Variants in LINGO2 observed in about 807,000 individuals in gnomAD.
The protein encoded by LINGO2 is leucine-rich repeat and immunoglobulin-like domain-containing nogo receptor-interacting protein 2.
In LINGO2, 14 loss-of-function variants were observed where a neutral mutation model predicts 30.6. The observed-to-expected ratio is 0.46, with a 90% CI of 0.30 to 0.72. The LOEUF (loss-of-function observed/expected upper bound fraction) is 0.72, where lower values mean the gene tolerates loss of function less well. LINGO2 is among the 30% of genes least tolerant of loss of function. LINGO2 has a pLI of 0.07. For synonymous variants in LINGO2, 317 were observed against 288.5 expected, an observed-to-expected ratio of 1.10 and a Z score of -1.00; for missense variants, 729 against 751.7, an observed-to-expected ratio of 0.97 and a Z score of 0.35.
intron 4 of LINGO2, among the ~76,000 whole-genome samples, chr9:28,249,843 C>A (rs1300474606): frequency 6.6e-6 from 1 of 152,148 alleles, no homozygotes; most frequent in African/African-American, 2.4e-5. Flanking sequence ...CATTTAAATT[C>A]TTCCTTGAAG....
At chr9:28,310,962 A>G (rs1028215905) in intron 3 of LINGO2, among the ~76,000 whole-genome samples, 1 of 152,152 alleles carries the variant, frequency 6.6e-6, no homozygotes, top group Admixed American at 6.6e-5. Flanking sequence ...GTTCAACAAT[A>G]CTAATATTGG....
At chr9:28,542,026 G>C (rs988376669) in intron 1 of LINGO2, among the ~76,000 whole-genome samples, 1 of 152,090 alleles carries the variant, frequency 6.6e-6, no homozygotes, top group African/African-American at 2.4e-5. Context: ...ACAGAGTTTG[G>C]GGTACAAAAT....
At chr9:29,058,818 T>TA in the LINGO2 span, among the ~76,000 whole-genome samples, 1 of 152,102 alleles carries the variant, frequency 6.6e-6, no homozygotes, top group East Asian at 1.9e-4. Flanking sequence ...AACAAAATTT[T>TA]AATGTACTGA....
chr9:28,462,816 T>C (rs1476976794), intron 2 of LINGO2, among the ~76,000 whole-genome samples: 1 of 151,902 alleles, frequency 6.6e-6, no homozygotes, highest in Non-Finnish European at 1.5e-5. Flanking sequence ...TGAGTGGTAA[T>C]TAAGTTCTGA....
intron 3 of LINGO2, among the ~76,000 whole-genome samples, chr9:28,362,564 A>G (rs1355803314): frequency 6.6e-6 from 1 of 151,728 alleles, no homozygotes; most frequent in Admixed American, 6.6e-5. Flanking sequence ...TCCGCCTCCC[A>G]GGTTCAAGCG....
At chr9:28,625,553 T>C (rs970663498) in intron 1 of LINGO2, among the ~76,000 whole-genome samples, 1 of 152,166 alleles carries the variant, frequency 6.6e-6, no homozygotes, top group Non-Finnish European at 1.5e-5. Context: ...AGGCTTCTGT[T>C]TGGCCATCTT....
intron 2 of LINGO2, among the ~76,000 whole-genome samples, chr9:28,424,509 A>G (rs1441278784): frequency 3.9e-5 from 6 of 152,168 alleles, no homozygotes; most frequent in Non-Finnish European, 7.4e-5. Context: ...GCTCACTGAG[A>G]TTAGCAGAAC....
At chr9:28,003,070 A>C (rs765246832) in intron 5 of LINGO2, among the ~76,000 whole-genome samples, 1 of 152,198 alleles carries the variant, frequency 6.6e-6, no homozygotes, top group Non-Finnish European at 1.5e-5. Flanking sequence ...TTATTATAAA[A>C]TTAAAATTTG....
At chr9:29,053,143 GTAAAA>G in the LINGO2 span, among the ~76,000 whole-genome samples, 1 of 151,862 alleles carries the variant, frequency 6.6e-6, no homozygotes, top group Non-Finnish European at 1.5e-5. Flanking sequence ...TTGATAAAAG[GTAAAA>G]TAAAGTACAT....
the LINGO2 span, among the ~76,000 whole-genome samples, chr9:28,830,418 G>A: frequency 2.6e-4 from 40 of 152,010 alleles, no homozygotes; most frequent in Non-Finnish European, 1.5e-4. Context: ...AAGAAGTGTG[G>A]GTTTTATCTT....
intron 4 of LINGO2, among the ~76,000 whole-genome samples, chr9:28,173,946 T>C (rs1220015757): frequency 6.6e-6 from 1 of 152,144 alleles, no homozygotes; most frequent in South Asian, 2.1e-4. Flanking sequence ...ATTGTATTCT[T>C]TATAGTCCAC....
At chr9:28,034,598 T>C (rs1395556155) in intron 4 of LINGO2, among the ~76,000 whole-genome samples, 1 of 152,040 alleles carries the variant, frequency 6.6e-6, no homozygotes, top group Non-Finnish European at 1.5e-5. Context: ...GAGGATAATA[T>C]CTCTTGGCTG....
chr9:28,661,783 A>T (rs1828593366), intron 1 of LINGO2, among the ~76,000 whole-genome samples: 2 of 152,102 alleles, frequency 1.3e-5, no homozygotes, highest in Admixed American at 1.3e-4. Context: ...AACTCAAGAG[A>T]CACGCACAGG....
the LINGO2 span, among the ~76,000 whole-genome samples, chr9:28,880,253 A>G: frequency 6.6e-6 from 1 of 152,148 alleles, no homozygotes; most frequent in African/African-American, 2.4e-5. Context: ...CTATGTAGAA[A>G]GGAAATACAT....
At chr9:28,098,335 A>C (rs1380755992) in intron 4 of LINGO2, among the ~76,000 whole-genome samples, 1 of 151,786 alleles carries the variant, frequency 6.6e-6, no homozygotes, top group South Asian at 2.1e-4. Context: ...AAAGCAAAAA[A>C]AAACTCTATA....
the LINGO2 span, among the ~76,000 whole-genome samples, chr9:28,967,792 G>A: frequency 1.3e-5 from 2 of 152,194 alleles, no homozygotes. Context: ...ACTGTAAGAT[G>A]TATAGCATAC....
intron 4 of LINGO2, among the ~76,000 whole-genome samples, chr9:28,074,884 G>A (rs566183949): frequency 4.6e-5 from 7 of 151,472 alleles, no homozygotes; most frequent in Non-Finnish European, 8.9e-5. Context: ...ATAAAGCATT[G>A]TATCTTTTTC....
intron 1 of LINGO2, among the ~76,000 whole-genome samples, chr9:28,598,138 T>C (rs141127285): frequency 0.01 from 1,549 of 152,194 alleles, 23 homozygotes; most frequent in South Asian, 0.018. Context: ...TGATAACTAA[T>C]AAATTCAGAA....
At chr9:28,766,322 C>A in the LINGO2 span, among the ~76,000 whole-genome samples, 1 of 151,656 alleles carries the variant, frequency 6.6e-6, no homozygotes, top group Non-Finnish European at 1.5e-5. Context: ...AGACGTAAAA[C>A]TGGCTAACAA....
Sources: allele counts gnomAD v4.1 joint callset (sites outside exome capture counted in the v4.1 genomes callset), GRCh38; gene constraint gnomAD v4.1.1; transcripts MANE v1.5; gene names NCBI Gene and HGNC (gene_info 2026-07-23, HGNC 2026-07-21).